MUC5B: variants seen among roughly 807,000 people sequenced by gnomAD.
MUC5B encodes the protein mucin-5B.
A neutral mutation model predicts 376.9 loss-of-function variants in MUC5B; 116 were observed. The ratio of observed to expected loss-of-function variants is 0.31; its 90% CI spans 0.26 to 0.36. The LOEUF (loss-of-function observed/expected upper bound fraction) is 0.36, where lower values mean the gene tolerates loss of function less well. Ranked by LOEUF, MUC5B falls within the 10% of genes least tolerant of loss-of-function variation. MUC5B has a pLI of 1.00. For synonymous variants in MUC5B, 3,517 were observed against 3,390.9 expected (o/e 1.04, Z -1.29); for missense variants, 7,165 against 7,769.9 (o/e 0.92, Z 2.93).
Position 1,239,914 on chromosome 11 carries a change from G to C in MUC5B, c.3699G>C (p.Arg1233Ser). 6.2e-7 allele frequency: 1 copy of C among 1,613,318 alleles called. No homozygotes were observed. Among genetic ancestry groups the C allele is most frequent in the Non-Finnish European group, 8.5e-7 (1 of 1,179,724 alleles). ...KDGNYYDVGA[R>S]VPTAENCQSC... ...GAAACTACTATGACGTCGGTGCAAG[G>C]GTCCCCACAGCGGAGAACTGCCAGA... The change falls in exon 28 of 49, where the codon AGG becomes AGC. Residue 1233 changes from arginine to serine, a missense_variant. Arg to Ser is a moderately radical substitution (Grantham distance 110). Around this residue, in one of 31 missense-constraint regions of MUC5B, gnomAD observed 517 missense variants for 545.3 expected, o/e 0.95. Coordinates refer to ENST00000529681, the MANE Select transcript of MUC5B (RefSeq NM_002458.3).
At chr11:1,225,883 C>T in intron 2 of MUC5B, 146 bp downstream of exon 2, 2 of 774,782 alleles carry the variant, frequency 2.6e-6, no homozygotes, top group African/African-American at 1.8e-5. Context: ...ATACCCAGCA[C>T]CCGAGGCGGA....
In MUC5B at chr11:1,240,863, C is replaced by G. The variant is rs776181948; in HGVS notation, c.3983C>G (p.Pro1328Arg). 1.0e-4 allele frequency: 168 copies of G among 1,608,912 alleles called. No individual in the cohort carries two copies. Among genetic ancestry groups the G allele is most frequent in the Non-Finnish European group, 1.3e-4 (155 of 1,178,360 alleles). ...ATGCCCCTTGCAGGCCCGGCCCTCC[C>G]GGTCTCCACCGTGTGTGTCCGCGAG... Reference protein sequence around the residue: ...VPHSTTSPALPVSTVCVREVC... With the variant: ...VPHSTTSPALRVSTVCVREVC... The change falls in exon 31 of 49, where the codon CCG (proline) becomes CGG (arginine). Residue 1328 changes from proline to arginine, a missense_variant. Pro to Arg is a moderately radical substitution (Grantham distance 103, BLOSUM62 -2). This residue lies in a region of MUC5B where 517 missense variants were observed against 545.3 expected (regional missense o/e 0.95). Transcript: ENST00000529681.
chr11:1,224,757 T>G (rs1004740215), intron 1 of MUC5B, among the ~76,000 whole-genome samples: 1 of 152,032 alleles, frequency 6.6e-6, no homozygotes, highest in Non-Finnish European at 1.5e-5. Flanking sequence ...CCTGTGGTGG[T>G]TCCCAGATGT....
chr11:1,242,330 C>T lies in MUC5B; in HGVS notation c.5450C>T (p.Ala1817Val), dbSNP rs1862307667. 6.2e-7 allele frequency: 1 copy of T among 1,613,860 alleles called. No homozygotes were observed. Among genetic ancestry groups the T allele is most frequent in the Non-Finnish European group, 8.5e-7 (1 of 1,179,850 alleles). The change falls in exon 31 of 49, where the codon GCT (alanine) becomes GTT (valine). Residue 1817 changes from alanine (A) to valine (V), a missense_variant. Ala to Val is a moderately conservative substitution (Grantham distance 64, BLOSUM62 0). Transcript: ENST00000529681. ...GAAACTTTTGAAAACATCAGGGCTG[C>T]TGGGGGCAAGATGTGCTGGGCACCA... is the stretch of plus-strand genomic sequence containing the variant. ...DMETFENIRA[A>V]GGKMCWAPKS...
At position 1,246,480 on chromosome 11, in the gene MUC5B, C is replaced by A. The variant is rs1378185372; in HGVS notation, c.9600C>A (p.Ala3200=). The A allele has an allele frequency of 6.2e-7, 1 of 1,613,476 alleles. No homozygotes were observed. The highest frequency in any genetic ancestry group is 8.5e-7 in the Non-Finnish European group (1 of 1,179,728). ...CCCTCAAAGTGCTGACCAGCACGGC[C>A]ACCACACCCACAGTCATCAGCTCCA... The part of the protein sequence containing the change: ...AGTLKVLTST[A]TTPTVISSRA... Residue 3200 remains alanine, a synonymous_variant, in exon 31 of 49, where the codon GCC becomes GCA. Transcript: ENST00000529681.
Position 1,238,972 on chromosome 11 carries a change from C to G in MUC5B, c.3399C>G (p.Ala1133=), listed in dbSNP as rs769715229. 3 of 1,572,198 alleles carry G rather than the reference C, an allele frequency of 1.9e-6. No homozygotes were observed. The highest frequency in any genetic ancestry group is 8.6e-7 in the Non-Finnish European group (1 of 1,159,564). The part of the protein sequence containing the change: ...ECFCTAVAAY[A]QACHDAGLCV... ...TCTGCACGGCTGTGGCTGCCTACGC[C>G]CAGGCCTGCCACGACGCGGGCCTGT... Residue 1133 remains alanine, a synonymous_variant, in exon 26 of 49, where the codon GCC becomes GCG. Coordinates refer to ENST00000529681, the MANE Select transcript of MUC5B (RefSeq NM_002458.3).
In MUC5B at chr11:1,240,855, G is replaced by A. The variant is rs1285218899; in HGVS notation, c.3975G>A (p.Pro1325=). The change falls in exon 31 of 49, where the codon CCG becomes CCA. Residue 1325 remains proline (P), a synonymous_variant. Coordinates refer to ENST00000529681, the MANE Select transcript of MUC5B (RefSeq NM_002458.3). ...CCTTTCCCATGCCCCTTGCAGGCCC[G>A]GCCCTCCCGGTCTCCACCGTGTGTG... The part of the protein sequence containing the change: ...TAWVPHSTTS[P]ALPVSTVCVR... The A allele has an allele frequency of 8.7e-6, 14 of 1,606,986 alleles. No homozygotes were observed. The highest frequency in any genetic ancestry group is 7.7e-5 in the South Asian group (7 of 90,504).
At chr11:1,231,707 G>A (rs1010776487) in intron 14 of MUC5B, 147 bp downstream of exon 14, 11 of 1,119,682 alleles carry the variant, frequency 9.8e-6, no homozygotes, top group South Asian at 1.6e-5. Context: ...TGGTGCCAGC[G>A]CAGGACACCA....
intron 30 of MUC5B, 44 bp from the exon 31 acceptor site, chr11:1,240,807 C>T: frequency 6.5e-7 from 1 of 1,537,818 alleles, no homozygotes; most frequent in Non-Finnish European, 8.8e-7. Context: ...GAGGCCAGGA[C>T]TGGAGGATGC....
intron 1 of MUC5B, chr11:1,223,456 G>C: frequency 1.8e-6 from 1 of 571,390 alleles, no homozygotes. Flanking sequence ...GCCCCTGGGA[G>C]ACCACCGAAA....
Position 1,254,287 on chromosome 11 carries a change from T to C in MUC5B, c.15413T>C (p.Ile5138Thr). Residue 5138 changes from isoleucine (I) to threonine (T), a missense_variant, in exon 34 of 49, where the codon ATC becomes ACC. Transcript: ENST00000529681. The stretch of plus-strand genomic sequence containing the variant: ...GCCCGCTGCCCCCGCGCCCTCAGCA[T>C]CCACTACAAGTCCATGGATATCGTC... ...AAARCPRALS[I>T]HYKSMDIVLT... 6.2e-7 allele frequency: 1 copy of C among 1,610,848 alleles called. No homozygotes were observed. Among genetic ancestry groups the C allele is most frequent in the South Asian group, 1.1e-5 (1 of 91,086 alleles).
intron 26 of MUC5B, 163 bp from the exon 27 acceptor site, chr11:1,239,275 G>A: frequency 1.0e-6 from 1 of 982,854 alleles, no homozygotes; most frequent in Non-Finnish European, 1.5e-6. Context: ...CTGGGGAGTG[G>A]AGGGGAAGGT....
Position 1,236,501 on chromosome 11 carries a change from G to T in MUC5B, c.2996G>T (p.Gly999Val). The T allele has an allele frequency of 6.2e-7, 1 of 1,613,140 alleles. No individual in the cohort carries two copies. Among genetic ancestry groups the T allele is most frequent in the Non-Finnish European group, 8.5e-7 (1 of 1,179,836 alleles). Reference sequence around the variant, plus strand: ...ATCTTCCTGGTCATCGAGACCCACGGGATGGCCGTGTCCTGGGACCGGAAG... The same window carrying T: ...ATCTTCCTGGTCATCGAGACCCACGTGATGGCCGTGTCCTGGGACCGGAAG... The part of the protein sequence containing the change: ...MGIFLVIETH[G>V]MAVSWDRKTS... Residue 999 changes from glycine to valine, a missense_variant, in exon 24 of 49, where the codon GGG (glycine) becomes GTG (valine). By Grantham distance (109) the Gly-to-Val change is moderately radical (BLOSUM62 -3). Coordinates refer to ENST00000529681, the MANE Select transcript of MUC5B (RefSeq NM_002458.3).
chr11:1,231,280 G>C (rs934768278), intron 13 of MUC5B, 143 bp from the exon 14 acceptor site: 5 of 1,072,900 alleles, frequency 4.7e-6, no homozygotes, highest in Non-Finnish European at 6.5e-6. Flanking sequence ...CATGGGACAG[G>C]GAGCCTGAGG....
Position 1,245,995 on chromosome 11 carries a change from G to T in MUC5B, c.9115G>T (p.Ala3039Ser), listed in dbSNP as rs1462347041. Residue 3039 changes from alanine to serine, a missense_variant, in exon 31 of 49, where the codon GCC (alanine) becomes TCC (serine). Physicochemically the swap from Ala to Ser is moderately conservative, Grantham distance 99 (BLOSUM62 1). Coordinates refer to ENST00000529681, the MANE Select transcript of MUC5B (RefSeq NM_002458.3). Reference sequence around the variant, plus strand: ...CACACCCACAGCCACCAGTTCCAAAGCCACTTCCTCCTCCAGTCCAAGGAC... The same window carrying T: ...CACACCCACAGCCACCAGTTCCAAATCCACTTCCTCCTCCAGTCCAAGGAC... ...ATTPTATSSK[A>S]TSSSSPRTAT... 2.5e-6 allele frequency: 4 copies of T among 1,612,264 alleles called. No homozygotes were observed. The highest frequency in any genetic ancestry group is 1.3e-5 in the African/African-American group (1 of 74,244).
Position 1,258,242 on chromosome 11 carries a change from G to T in MUC5B, c.16555+39G>T. Reference sequence around the variant, plus strand: ...GGGCCGGGCTCCTGGGTGGCCTCTTGCTGGGGGTGGGGGAGTGCAGGATGG... The same window carrying T: ...GGGCCGGGCTCCTGGGTGGCCTCTTTCTGGGGGTGGGGGAGTGCAGGATGG... On this transcript the variant is annotated intron_variant, in intron 42 of 48. Coordinates refer to ENST00000529681, the MANE Select transcript of MUC5B (RefSeq NM_002458.3). The surrounding 1 kb of genome is among the most constrained non-coding windows in gnomAD (Gnocchi z 5.5). 1.9e-6 allele frequency: 3 copies of T among 1,574,436 alleles called. No individual in the cohort carries two copies. The South Asian group carries it at 3.5e-5, about 18-fold the overall frequency.
chr11:1,230,170 A>C (rs1861991039), intron 11 of MUC5B, 27 bp downstream of exon 11: 2 of 1,569,460 alleles, frequency 1.3e-6, no homozygotes, highest in East Asian at 2.2e-5. Flanking sequence ...GGGTCTTCAG[A>C]CACCCAGACC....
In MUC5B at chr11:1,226,831, T is replaced by TTGTGCTGGA. The variant is rs1277586939; in HGVS notation, c.416_417insTGTGCTGGA (p.Val140_Glu142dup). The TTGTGCTGGA allele has an allele frequency of 1.2e-5, 19 of 1,609,988 alleles. No homozygotes were observed. The highest frequency in any genetic ancestry group is 1.6e-5 in the Non-Finnish European group (19 of 1,179,766). On this transcript the variant is annotated inframe_insertion, in exon 4 of 49. Transcript: ENST00000529681. Reference sequence around the variant, plus strand: ...CGTGTTGTCATCAAGGCCCAGGGGCTGGTGCTGGAGGCGTCCAACGGCTCC... The same window carrying TTGTGCTGGA: ...CGTGTTGTCATCAAGGCCCAGGGGCTTGTGCTGGAGGTGCTGGAGGCGTCCAACGGCTCC...
In MUC5B at chr11:1,257,189, T is replaced by C. The variant is rs1862860547; in HGVS notation, c.16238-51T>C. 1 of 779,370 alleles carries C rather than the reference T, an allele frequency of 1.3e-6. No individual in the cohort carries two copies. Among genetic ancestry groups the C allele is most frequent in the Non-Finnish European group, 2.4e-6 (1 of 417,828 alleles). 48.3% of individuals were successfully genotyped at this position (779,370 alleles called of 1,614,324 possible). A position where few individuals can be genotyped will look rare whatever the true frequency, so the allele number is the denominator to read the frequency against. ...AGCACCTCCCATGGCCAGAGGCCCCTCCGCCTGCAAACTCAGCACCCTCCG... is the reference window on the plus strand; with the variant it reads ...AGCACCTCCCATGGCCAGAGGCCCCCCCGCCTGCAAACTCAGCACCCTCCG... On this transcript the variant is annotated intron_variant, in intron 39 of 48. Transcript: ENST00000529681. The surrounding 1 kb of genome is among the most constrained non-coding windows in gnomAD (Gnocchi z 8.9).
Sources: allele counts gnomAD v4.1 joint callset (sites outside exome capture counted in the v4.1 genomes callset), GRCh38; gene constraint gnomAD v4.1.1; regional missense constraint gnomAD v4.1.1; non-coding constraint Gnocchi (gnomAD v3.1); transcripts MANE v1.5; gene names NCBI Gene and HGNC (gene_info 2026-07-23, HGNC 2026-07-21).